RPH3A: variants seen among roughly 807,000 people sequenced by gnomAD.
RPH3A encodes the protein rabphilin 3A, also known as rabphilin-3A.
A neutral mutation model predicts 102.2 loss-of-function variants in RPH3A; 48 were observed. That is an observed-to-expected ratio of 0.47 (90% CI 0.37 to 0.60). RPH3A has a LOEUF of 0.60. RPH3A is among the 20% of genes least tolerant of loss of function. RPH3A has a pLI of 0.00. For missense variants in RPH3A, 781 were observed against 910.1 expected, an observed-to-expected ratio of 0.86 and a Z score of 1.83; for synonymous variants, 310 against 324.3, an observed-to-expected ratio of 0.96 and a Z score of 0.47.
intron 1 of RPH3A, among the ~76,000 whole-genome samples, chr12:112,578,609 G>A (rs896919288): frequency 5.9e-5 from 9 of 152,156 alleles, no homozygotes; most frequent in Admixed American, 2.6e-4. Context: ...TGCATGATAT[G>A]CCCTATGAAC....
intron 1 of RPH3A, among the ~76,000 whole-genome samples, chr12:112,701,319 C>T (rs567034082): frequency 6.6e-6 from 1 of 152,098 alleles, no homozygotes; most frequent in South Asian, 2.1e-4. Context: ...TGGTACAATG[C>T]GGGAAGTTGA....
chr12:112,847,655 A>G (rs2042253316), intron 4 of RPH3A, 41 bp from the exon 5 acceptor site: 7 of 1,600,712 alleles, frequency 4.4e-6, no homozygotes, highest in Non-Finnish European at 4.3e-6. Context: ...TTGAACTACT[A>G]TTTTCTGCCC....
intron 1 of RPH3A, among the ~76,000 whole-genome samples, chr12:112,742,357 G>A (rs753207314): frequency 5.9e-5 from 9 of 152,154 alleles, no homozygotes; most frequent in African/African-American, 9.7e-5. Context: ...ATCTGAAGAA[G>A]CATCCACAGC....
At chr12:112,828,161 C>A (rs2041911130) in intron 2 of RPH3A, 140 bp from the exon 3 acceptor site, 1 of 649,236 alleles carries the variant, frequency 1.5e-6, no homozygotes, top group East Asian at 3.1e-5. Context: ...GTCTCAGACT[C>A]CCCATCTGGA....
intron 2 of RPH3A, among the ~76,000 whole-genome samples, chr12:112,793,893 C>G (rs2041175879): frequency 6.6e-6 from 1 of 152,148 alleles, no homozygotes; most frequent in South Asian, 2.1e-4. Context: ...ATCAAGAGAG[C>G]CACGAGGCCT....
chr12:112,685,396 T>C (rs1230497532), intron 1 of RPH3A, among the ~76,000 whole-genome samples: 2 of 152,224 alleles, frequency 1.3e-5, no homozygotes, highest in African/African-American at 4.8e-5. Flanking sequence ...GGGATAATTG[T>C]ACTTAGTAAG....
At chr12:112,801,951 G>T (rs1226266188) in intron 2 of RPH3A, among the ~76,000 whole-genome samples, 3 of 152,092 alleles carry the variant, frequency 2.0e-5, no homozygotes, top group Admixed American at 2.0e-4. Context: ...ACGTTGCAAG[G>T]TGGCATCTAA....
In RPH3A at chr12:112,897,131, T is replaced by G. The variant is rs1454771685; in HGVS notation, c.*351T>G. The G allele has an allele frequency of 4.1e-6, 1 of 246,716 alleles. No homozygotes were observed. The highest frequency in any genetic ancestry group is 2.3e-5 in the African/African-American group (1 of 43,520). The allele number at this position is 246,716 out of a possible 1,614,324, so 15.3% of individuals were successfully genotyped here. ...GACTGTTTTTAGACCCTCCTAGCCT[T>G]GAACACACACATGTACACACACACA... On this transcript the variant is annotated 3_prime_UTR_variant, in exon 22 of 22. Transcript: ENST00000389385.
intron 5 of RPH3A, among the ~76,000 whole-genome samples, chr12:112,857,143 G>A (rs919366278): frequency 2.6e-5 from 4 of 152,114 alleles, no homozygotes; most frequent in Non-Finnish European, 5.9e-5. Context: ...GAAAGTGACC[G>A]GAACCTCACA....
chr12:112,723,319 CT>C (rs1286043769), intron 1 of RPH3A, among the ~76,000 whole-genome samples: 1 of 152,046 alleles, frequency 6.6e-6, no homozygotes, highest in Admixed American at 6.6e-5. Flanking sequence ...ATACTGTAGT[CT>C]TACAATAAAG....
At chr12:112,681,071 C>A (rs1191308564) in intron 1 of RPH3A, among the ~76,000 whole-genome samples, 1 of 152,198 alleles carries the variant, frequency 6.6e-6, no homozygotes, top group Admixed American at 6.5e-5. Flanking sequence ...TCTCTGCCTA[C>A]TCTGGCCCAC....
chr12:112,868,774 G>A (rs532617143), intron 8 of RPH3A, 179 bp downstream of exon 8: 104 of 614,606 alleles, frequency 1.7e-4, no homozygotes, highest in Non-Finnish European at 4.3e-5. Flanking sequence ...GTTACCAAGA[G>A]GGTAGCACAG....
At chr12:112,808,327 T>C (rs1228812698) in intron 2 of RPH3A, among the ~76,000 whole-genome samples, 1 of 152,218 alleles carries the variant, frequency 6.6e-6, no homozygotes, top group South Asian at 2.1e-4. Flanking sequence ...CCTTTGTCAA[T>C]ATCAACATTA....
intron 13 of RPH3A, among the ~76,000 whole-genome samples, chr12:112,877,232 CCT>C (rs2042818232): frequency 6.6e-6 from 1 of 152,028 alleles, no homozygotes; most frequent in Non-Finnish European, 1.5e-5. Context: ...CAATTTCGCT[CCT>C]AGGTGTGAAT....
chr12:112,852,137 C>T (rs550695285), intron 5 of RPH3A, among the ~76,000 whole-genome samples: 28 of 152,286 alleles, frequency 1.8e-4, no homozygotes, highest in Non-Finnish European at 2.9e-4. Flanking sequence ...GCTTTACTCC[C>T]CCGTCTGTAC....
In RPH3A at chr12:112,880,832, T is replaced by C. The variant is rs572276275; in HGVS notation, c.1252-940T>C. Among the ~76,000 whole-genome samples, 17 of 152,370 alleles carry C rather than the reference T, an allele frequency of 1.1e-4. No homozygotes were observed. The South Asian group carries it at 3.5e-3, about 32-fold the overall frequency. The stretch of plus-strand genomic sequence containing the variant: ...ACTGTATTCTTACAATAAAGTAAGC[T>C]AGCTGAAAGAAAATTCAACATTTAT... On this transcript the variant is annotated intron_variant, in intron 14 of 21. Transcript: ENST00000389385.
chr12:112,576,193 A>G (rs1161196592), intron 1 of RPH3A, among the ~76,000 whole-genome samples: 1 of 152,216 alleles, frequency 6.6e-6, no homozygotes, highest in Non-Finnish European at 1.5e-5. Flanking sequence ...TCAAGTCAGG[A>G]TGGGACTCCA....
intron 1 of RPH3A, among the ~76,000 whole-genome samples, chr12:112,621,644 A>G (rs1350245084): frequency 6.6e-6 from 1 of 151,680 alleles, no homozygotes; most frequent in Non-Finnish European, 1.5e-5. Flanking sequence ...GGCGCCCGCC[A>G]TTGCCCAGGC....
At chr12:112,628,083 C>T (rs2039778594) in intron 1 of RPH3A, among the ~76,000 whole-genome samples, 1 of 152,014 alleles carries the variant, frequency 6.6e-6, no homozygotes, top group African/African-American at 2.4e-5. Flanking sequence ...GAAATTCACC[C>T]CCATGATCCA....
Sources: gnomAD v4.1 joint callset for allele counts (sites outside exome capture counted in the v4.1 genomes callset) on GRCh38, gnomAD v4.1.1 for gene constraint, MANE v1.5 for transcripts, NCBI Gene and HGNC (gene_info 2026-07-23, HGNC 2026-07-21) for gene names.